TRPC5: variants seen among roughly 807,000 people sequenced by gnomAD.
TRPC5 encodes short transient receptor potential channel 5.
Under a neutral mutation model 56.5 loss-of-function variants are expected in TRPC5, and 9 were observed. The observed-to-expected ratio is 0.16, with a 90% CI of 0.10 to 0.28. The LOEUF is 0.28. Ranked by LOEUF, TRPC5 falls within the 10% of genes least tolerant of loss-of-function variation. TRPC5 has a pLI of 1.00. For missense variants in TRPC5, 469 were observed against 748.9 expected, an observed-to-expected ratio of 0.63 and a Z score of 4.36; for synonymous variants, 282 against 278.5, an observed-to-expected ratio of 1.01 and a Z score of -0.13.
intron 1 of TRPC5, among the ~76,000 whole-genome samples, chrX:112,035,150 G>A (rs1929700839): frequency 9.4e-6 from 1 of 106,853 alleles, no homozygotes; most frequent in Non-Finnish European, 1.9e-5. Flanking sequence ...ACTTCCTCAG[G>A]GACAGTTTCT....
chrX:111,818,517 A>G (rs975081969), intron 7 of TRPC5, among the ~76,000 whole-genome samples: 1 of 110,948 alleles, frequency 9.0e-6, no homozygotes, highest in Non-Finnish European at 1.9e-5. Context: ...TCAAATTTGT[A>G]GAATAAATTA....
intron 1 of TRPC5, among the ~76,000 whole-genome samples, chrX:111,956,824 G>A (rs1269138560): frequency 1.7e-4 from 19 of 111,488 alleles, no homozygotes; most frequent in Admixed American, 8.6e-4. Context: ...GTGGTTGTTC[G>A]GTTAATCAGC....
At chrX:111,922,559 C>A (rs1267912605) in intron 2 of TRPC5, among the ~76,000 whole-genome samples, 1 of 112,278 alleles carries the variant, frequency 8.9e-6, no homozygotes, top group Non-Finnish European at 1.9e-5. Context: ...ACATTACCAG[C>A]TTCCTGCTCT....
chrX:111,801,062 T>C lies in TRPC5; in HGVS notation c.1897-18924A>G, dbSNP rs778709451. Among the ~76,000 whole-genome samples the C allele has an allele frequency of 2.7e-5, 3 of 111,903 alleles. No individual in the cohort carries two copies. The South Asian group carries it at 1.1e-3, about 42-fold the overall frequency. The stretch of plus-strand genomic sequence containing the variant: ...CCAGCACTCCCTTCTTGCTGCCCTT[T>C]CTTGTCTCTGTCAACCACTAATCAT... On this transcript the variant is annotated intron_variant, in intron 7 of 10. Transcript: ENST00000262839.
In TRPC5 at chrX:111,773,553, G is replaced by A. The variant is rs938660986; in HGVS notation, c.*2760C>T. Reference sequence around the variant, plus strand: ...GGAGTTCACAGCATTTTTGGCAAATGAACAAAAGGGTGTCTGTAGTGGCCA... The same window carrying A: ...GGAGTTCACAGCATTTTTGGCAAATAAACAAAAGGGTGTCTGTAGTGGCCA... On this transcript the variant is annotated 3_prime_UTR_variant, in exon 11 of 11. Coordinates refer to ENST00000262839, the MANE Select transcript of TRPC5 (RefSeq NM_012471.3). 9.0e-6 allele frequency among the ~76,000 whole-genome samples: 1 copy of A among 111,494 alleles called. No homozygotes were observed. The highest frequency in any genetic ancestry group is 3.3e-5 in the African/African-American group (1 of 30,745).
chrX:111,917,322 GA>G (rs1374571144), intron 2 of TRPC5, among the ~76,000 whole-genome samples: 3 of 112,212 alleles, frequency 2.7e-5, no homozygotes, highest in African/African-American at 9.7e-5. Context: ...CTAATTAAAA[GA>G]TATCATCAGT....
chrX:112,016,339 G>A (rs892407959), intron 1 of TRPC5, among the ~76,000 whole-genome samples: 1 of 109,116 alleles, frequency 9.2e-6, no homozygotes, highest in Non-Finnish European at 1.9e-5. Context: ...AATGTACAGA[G>A]AAGCACCTCT....
chrX:111,851,935 G>A (rs991359865), intron 5 of TRPC5, among the ~76,000 whole-genome samples: 1 of 111,952 alleles, frequency 8.9e-6, no homozygotes, highest in Admixed American at 9.5e-5. Flanking sequence ...AGGATTAAGA[G>A]AAGCTTTTGG....
chrX:112,074,301 A>T (rs940970674), intron 1 of TRPC5, among the ~76,000 whole-genome samples: 2 of 102,491 alleles, frequency 2.0e-5, no homozygotes, highest in South Asian at 4.1e-4. Context: ...TTATTTTATT[A>T]TATATATATA....
intron 1 of TRPC5, among the ~76,000 whole-genome samples, chrX:111,991,422 C>A (rs1928350174): frequency 8.9e-6 from 1 of 112,082 alleles, no homozygotes; most frequent in Admixed American, 9.5e-5. Flanking sequence ...TCTCTATCAT[C>A]CTATTTCATA....
intron 6 of TRPC5, 59 bp from the exon 7 acceptor site, chrX:111,835,175 G>A (rs942667061): frequency 9.0e-6 from 9 of 996,710 alleles, no homozygotes; most frequent in Admixed American, 2.7e-5. Context: ...AAAAGAGAGA[G>A]AAAATGTAAG....
intron 1 of TRPC5, among the ~76,000 whole-genome samples, chrX:111,979,504 G>T (rs1390923708): frequency 9.0e-6 from 1 of 111,380 alleles, no homozygotes; most frequent in Admixed American, 9.6e-5. Context: ...ATTATCTGTT[G>T]TTCTAAAGAC....
intron 1 of TRPC5, among the ~76,000 whole-genome samples, chrX:112,067,052 C>A (rs1218638352): frequency 2.7e-5 from 3 of 112,519 alleles, no homozygotes; most frequent in Non-Finnish European, 5.6e-5. Flanking sequence ...GGGTCAGTCA[C>A]CTCTGTAGTG....
chrX:112,009,425 C>A (rs3952848), intron 1 of TRPC5, among the ~76,000 whole-genome samples: 8,010 of 111,066 alleles, frequency 0.072, 377 homozygotes, highest in African/African-American at 0.17. Context: ...ATAGACCTTT[C>A]TTAAACTCTC....
In TRPC5 at chrX:111,768,996, A is replaced by G. The variant is rs751641296; in HGVS notation, c.*7317T>C. On this transcript the variant is annotated 3_prime_UTR_variant, in exon 11 of 11. Transcript: ENST00000262839. ...ATGATGAGGCTATACTTTAAATACC[A>G]TGACTAGATCTTATACAGGAAATAC... Among the ~76,000 whole-genome samples, 1 of 112,314 alleles carries G rather than the reference A, an allele frequency of 8.9e-6. No individual in the cohort carries two copies. Among genetic ancestry groups the G allele is most frequent in the East Asian group, 2.8e-4 (1 of 3,579 alleles).
At chrX:111,927,255 G>C (rs1487436703) in intron 2 of TRPC5, among the ~76,000 whole-genome samples, 1 of 112,226 alleles carries the variant, frequency 8.9e-6, no homozygotes, top group African/African-American at 3.2e-5. Flanking sequence ...TCTAGACATT[G>C]CCAAAATGTC....
chrX:111,906,546 C>G (rs1925633911), intron 3 of TRPC5, among the ~76,000 whole-genome samples: 1 of 111,211 alleles, frequency 9.0e-6, no homozygotes, highest in South Asian at 3.8e-4. Context: ...GGCAAACCCC[C>G]AACTTCCAGC....
rs150855068 is a variant in TRPC5, at chrX:111,974,923, A to G, written c.-21-22482T>C. Among the ~76,000 whole-genome samples, 524 of 111,911 alleles carry G rather than the reference A, an allele frequency of 4.7e-3. 2 individuals are homozygous for G. Among genetic ancestry groups the G allele is most frequent in the African/African-American group, 0.016 (494 of 30,792 alleles). The stretch of plus-strand genomic sequence containing the variant: ...GAAATAATACTAGTTGGAGCAAAAT[A>G]GAGGATGACAAAAAACTTAAAAGGA... On this transcript the variant is annotated intron_variant, in intron 1 of 10. Transcript: ENST00000262839.
chrX:111,950,462 G>T (rs1187633900), intron 2 of TRPC5, among the ~76,000 whole-genome samples: 1 of 112,222 alleles, frequency 8.9e-6, no homozygotes, highest in East Asian at 2.8e-4. Context: ...TAAGCTATAA[G>T]GATGCAAAGG....
Sources: gnomAD v4.1 joint callset for allele counts (sites outside exome capture counted in the v4.1 genomes callset) on GRCh38, gnomAD v4.1.1 for gene constraint, MANE v1.5 for transcripts, NCBI Gene and HGNC (gene_info 2026-07-23, HGNC 2026-07-21) for gene names.